Variants in CHP1 observed in about 807,000 individuals in gnomAD.
The protein encoded by CHP1 is calcineurin like EF-hand protein 1.
A neutral mutation model predicts 27.4 loss-of-function variants in CHP1; 11 were observed. The ratio of observed to expected loss-of-function variants is 0.40; its 90% CI spans 0.25 to 0.67. The LOEUF (loss-of-function observed/expected upper bound fraction) is 0.67. CHP1 is among the 30% of genes least tolerant of loss of function. The pLI is 0.38. For synonymous variants in CHP1, 89 were observed against 87.4 expected, an observed-to-expected ratio of 1.02 and a Z score of -0.10; for missense variants, 169 against 251.3, an observed-to-expected ratio of 0.67 and a Z score of 2.22.
chr15:41,256,862 T>C (rs2047402982), intron 2 of CHP1, 48 bp from the exon 3 acceptor site: 3 of 1,512,448 alleles, frequency 2.0e-6, no homozygotes, highest in Non-Finnish European at 2.8e-6. Context: ...AAGGAGTTCA[T>C]GCTAAGGGCA....
Position 41,240,460 on chromosome 15 carries a change from T to A in CHP1, c.68-3207T>A, listed in dbSNP as rs2047300496. Among the ~76,000 whole-genome samples the A allele has an allele frequency of 2.0e-5, 3 of 152,074 alleles. 1 individual carries two copies. In the South Asian group the frequency reaches 6.2e-4, roughly 31 times the overall value. On this transcript the variant is annotated intron_variant, in intron 1 of 6. Transcript: ENST00000334660. ...AAGTACACGAGTAACTGATATTAGA[T>A]GATATATGAAGAGCTGGGCGCGGTG...
intron 1 of CHP1, among the ~76,000 whole-genome samples, chr15:41,241,118 T>C (rs1385477710): frequency 6.6e-6 from 1 of 152,206 alleles, no homozygotes; most frequent in Admixed American, 6.5e-5. Context: ...CCCAAAGTGC[T>C]GAGATTACAG....
intron 1 of CHP1, among the ~76,000 whole-genome samples, chr15:41,240,113 A>G (rs1595470872): frequency 6.6e-6 from 1 of 152,244 alleles, no homozygotes; most frequent in African/African-American, 2.4e-5. Context: ...TTTAGATGAT[A>G]TAGATTAGAA....
intron 1 of CHP1, among the ~76,000 whole-genome samples, chr15:41,238,513 C>A (rs1350190766): frequency 6.6e-6 from 1 of 151,874 alleles, no homozygotes; most frequent in Non-Finnish European, 1.5e-5. Flanking sequence ...ATTATATACC[C>A]ATACCAGTGG....
In CHP1 at chr15:41,279,558, A is replaced by G. The variant is rs970407747; in HGVS notation, c.*169A>G. 4.5e-5 allele frequency: 28 copies of G among 620,000 alleles called. No homozygotes were observed. The African/African-American group carries it at 5.2e-4, about 11-fold the overall frequency. The allele number at this position is 620,000 out of a possible 1,614,324, so 38.4% of individuals were successfully genotyped here. On this transcript the variant is annotated 3_prime_UTR_variant, in exon 7 of 7. Transcript: ENST00000334660. ...CAACACAAACCTGCCTTTGGTGTAT[A>G]AACAGGGCATTACAGAATGGTACAC...
rs2047540767 is a variant in CHP1 at position 41,280,592 on chromosome 15, ACCTCAG to A, written c.*1208_*1213del. 1 of 140,958 alleles carries A rather than the reference ACCTCAG, an allele frequency of 7.1e-6. No individual in the cohort carries two copies. The highest frequency in any genetic ancestry group is 2.7e-5 in the African/African-American group (1 of 37,322). The allele number at this position is 140,958 out of a possible 1,614,324, so 8.7% of individuals were successfully genotyped here. A position where few individuals can be genotyped will look rare whatever the true frequency, so the allele number is the denominator to read the frequency against. On this transcript the variant is annotated 3_prime_UTR_variant, in exon 7 of 7. Transcript: ENST00000334660. ...TGCAGTGGTGCGATCGCTCACTGCA[ACCTCAG>A]CCTCCTGGATTTAAGTGATTCTCCT... is the stretch of plus-strand genomic sequence containing the variant.
chr15:41,267,586 C>T (rs1442878528), intron 4 of CHP1, among the ~76,000 whole-genome samples: 3 of 151,358 alleles, frequency 2.0e-5, no homozygotes, highest in East Asian at 1.9e-4. Context: ...TGCTTGAACC[C>T]GGGAGGCAGA....
At chr15:41,252,300 C>T (rs1490267712) in intron 2 of CHP1, among the ~76,000 whole-genome samples, 6 of 151,756 alleles carry the variant, frequency 4.0e-5, no homozygotes, top group Admixed American at 3.9e-4. Flanking sequence ...TCCCAAGTAG[C>T]TGGGATTACA....
At chr15:41,264,152 T>A in intron 4 of CHP1, 1 of 1,277,676 alleles carries the variant, frequency 7.8e-7, no homozygotes, top group Non-Finnish European at 1.0e-6. Context: ...TTTTTCTTGT[T>A]CACATCTGGC....
intron 5 of CHP1, among the ~76,000 whole-genome samples, chr15:41,277,832 G>A (rs1316308799): frequency 6.7e-6 from 1 of 150,282 alleles, no homozygotes; most frequent in Non-Finnish European, 1.5e-5. Context: ...CACCTGTAGT[G>A]TAGTACCAGT....
At chr15:41,273,851 G>C (rs1239154012) in intron 5 of CHP1, among the ~76,000 whole-genome samples, 1 of 151,664 alleles carries the variant, frequency 6.6e-6, no homozygotes, top group East Asian at 2.0e-4. Context: ...TGAAGTAGGA[G>C]AATCGCTTGA....
intron 1 of CHP1, among the ~76,000 whole-genome samples, chr15:41,240,681 A>G (rs1338344903): frequency 6.7e-6 from 1 of 149,424 alleles, no homozygotes; most frequent in South Asian, 2.2e-4. Context: ...GGAACCCAGA[A>G]GGCGGAGGTT....
chr15:41,243,852 G>A (rs1012355787), intron 2 of CHP1, 113 bp downstream of exon 2: 9 of 805,298 alleles, frequency 1.1e-5, no homozygotes, highest in Admixed American at 7.7e-5. Flanking sequence ...CATGCAGATA[G>A]CAAGGACCAT....
intron 3 of CHP1, among the ~76,000 whole-genome samples, chr15:41,259,528 T>C (rs1299534441): frequency 6.6e-6 from 1 of 151,008 alleles, no homozygotes; most frequent in Non-Finnish European, 1.5e-5. Context: ...ATTGGGGCTT[T>C]TTTTTTTTTT....
rs34053067 is a variant in CHP1, at chr15:41,274,790, G to GTTT, written c.412-3961_412-3959dup. Among the ~76,000 whole-genome samples the GTTT allele has an allele frequency of 1.6e-4, 19 of 120,744 alleles. 1 individual carries two copies. Among genetic ancestry groups the GTTT allele is most frequent in the Non-Finnish European group, 2.0e-4 (12 of 59,750 alleles). 79.2% of individuals were successfully genotyped at this position (120,744 alleles called of 152,430 possible). A position where few individuals can be genotyped will look rare whatever the true frequency, so the allele number is the denominator to read the frequency against. ...GATTATCTTTGCTAGCATTGTCTTT[G>GTTT]TTTTTTTTTTTTTTTTTTGAGATGG... On this transcript the variant is annotated intron_variant, in intron 5 of 6. Coordinates refer to ENST00000334660, the MANE Select transcript of CHP1 (RefSeq NM_007236.5).
rs1281731170 is a variant in CHP1, at chr15:41,281,159, G to C, written c.*1770G>C. The stretch of plus-strand genomic sequence containing the variant: ...CAGGCATGAGCCACCGTGCTCAGCC[G>C]CAAAATTCTTTATGAATTTTACACT... On this transcript the variant is annotated 3_prime_UTR_variant, in exon 7 of 7. Transcript: ENST00000334660. 6.6e-6 allele frequency: 1 copy of C among 152,122 alleles called. No individual in the cohort carries two copies. The highest frequency in any genetic ancestry group is 2.4e-5 in the African/African-American group (1 of 41,428). 9.4% of individuals were successfully genotyped at this position (152,122 alleles called of 1,614,324 possible).
intron 3 of CHP1, among the ~76,000 whole-genome samples, chr15:41,260,008 G>A (rs569899711): frequency 6.6e-6 from 1 of 152,298 alleles, no homozygotes; most frequent in African/African-American, 2.4e-5. Context: ...GGGATTATGG[G>A]CGTGAGCCAC....
At chr15:41,257,795 G>A (rs1271682091) in intron 3 of CHP1, among the ~76,000 whole-genome samples, 1 of 152,112 alleles carries the variant, frequency 6.6e-6, no homozygotes, top group Non-Finnish European at 1.5e-5. Flanking sequence ...CCTGACCTCA[G>A]GTGATCCGCC....
At chr15:41,245,710 C>A (rs1057076783) in intron 2 of CHP1, among the ~76,000 whole-genome samples, 6 of 152,078 alleles carry the variant, frequency 3.9e-5, no homozygotes, top group African/African-American at 1.4e-4. Flanking sequence ...GTTTTAATTT[C>A]TCTTGGACGT....
Sources: allele counts gnomAD v4.1 joint callset (sites outside exome capture counted in the v4.1 genomes callset), GRCh38; gene constraint gnomAD v4.1.1; transcripts MANE v1.5; gene names NCBI Gene and HGNC (gene_info 2026-07-23, HGNC 2026-07-21).